The following BCAS3 variants were observed in gnomAD, a reference collection of about 807,000 sequenced individuals.
The protein encoded by BCAS3 is BCAS4/BCAS3 fusion.
Under a neutral mutation model 116.1 loss-of-function variants are expected in BCAS3, and 53 were observed. The observed-to-expected ratio is 0.46, with a 90% CI of 0.37 to 0.57. The LOEUF (loss-of-function observed/expected upper bound fraction) is 0.57. BCAS3 is among the 20% of genes least tolerant of loss of function. The pLI, the probability that BCAS3 is intolerant of heterozygous loss-of-function variation, is 0.00. For synonymous variants in BCAS3, 391 were observed against 408.2 expected, an observed-to-expected ratio of 0.96 and a Z score of 0.51; for missense variants, 917 against 1,165.4, an observed-to-expected ratio of 0.79 and a Z score of 3.10.
At chr17:60,868,859 C>T (rs1308621630) in intron 8 of BCAS3, among the ~76,000 whole-genome samples, 176 bp downstream of exon 8, 10 of 152,162 alleles carry the variant, frequency 6.6e-5, no homozygotes, top group Non-Finnish European at 2.9e-5. Flanking sequence ...TATATTCAGA[C>T]TTCTAGTCTT....
chr17:60,732,483 T>A (rs1278988690), intron 5 of BCAS3, among the ~76,000 whole-genome samples: 1 of 152,188 alleles, frequency 6.6e-6, no homozygotes, highest in Non-Finnish European at 1.5e-5. Flanking sequence ...AAGATGCTGC[T>A]TACCACCTTG....
chr17:61,329,419 C>T (rs1481999863), intron 22 of BCAS3, among the ~76,000 whole-genome samples: 3 of 150,742 alleles, frequency 2.0e-5, no homozygotes, highest in Non-Finnish European at 2.9e-5. Flanking sequence ...CGGCTCACTG[C>T]AAGCTCCGCC....
At chr17:60,823,640 C>A (rs2050142653) in intron 7 of BCAS3, among the ~76,000 whole-genome samples, 1 of 152,098 alleles carries the variant, frequency 6.6e-6, no homozygotes, top group Admixed American at 6.5e-5. Flanking sequence ...GAAGTTAATT[C>A]TCTTTAGAGT....
chr17:61,214,718 C>T lies in BCAS3; in HGVS notation c.2425+130154C>T, dbSNP rs185936766. Among the ~76,000 whole-genome samples the T allele has an allele frequency of 6.6e-6, 1 of 152,024 alleles. No homozygotes were observed. The highest frequency in any genetic ancestry group is 1.5e-5 in the Non-Finnish European group (1 of 67,996). On this transcript the variant is annotated intron_variant, in intron 22 of 23. Coordinates refer to ENST00000407086, the MANE Select transcript of BCAS3 (RefSeq NM_017679.5). The surrounding 1 kb of genome is among the most constrained non-coding windows in gnomAD (Gnocchi z 4.4). ...AAAAAAAGAAAAAAAGAAAAAAATT[C>T]AAAAACATTTTTTAATGAACTATAG...
In BCAS3 at chr17:61,227,979, C is replaced by T. The variant is rs1202310177; in HGVS notation, c.2426-140348C>T. Among the ~76,000 whole-genome samples, 3 of 152,138 alleles carry T rather than the reference C, an allele frequency of 2.0e-5. No individual in the cohort carries two copies. The highest frequency in any genetic ancestry group is 4.4e-5 in the Non-Finnish European group (3 of 68,022). ...GCAAAGGCTTAGCCACAGGTGTAGC[C>T]ATAGAATCCCTTTCCACCTGGAGAC... On this transcript the variant is annotated intron_variant, in intron 22 of 23. Coordinates refer to ENST00000407086, the MANE Select transcript of BCAS3 (RefSeq NM_017679.5). The surrounding 1 kb of genome is among the most constrained non-coding windows in gnomAD (Gnocchi z 6.1).
chr17:60,929,309 C>A (rs2059518215), intron 13 of BCAS3, among the ~76,000 whole-genome samples: 1 of 152,086 alleles, frequency 6.6e-6, no homozygotes, highest in Admixed American at 6.5e-5. Flanking sequence ...CCTGTAGTCC[C>A]AGCTACTTAA....
At chr17:60,977,141 A>G (rs1349667143) in intron 14 of BCAS3, among the ~76,000 whole-genome samples, 1 of 151,766 alleles carries the variant, frequency 6.6e-6, no homozygotes, top group Admixed American at 6.6e-5. Context: ...GCGGCTGGCC[A>G]GGCGGGGGCT....
At chr17:61,262,479 C>A (rs1482834149) in intron 22 of BCAS3, among the ~76,000 whole-genome samples, 1 of 151,800 alleles carries the variant, frequency 6.6e-6, no homozygotes, top group Non-Finnish European at 1.5e-5. Context: ...CTCCTGGATT[C>A]AAGCGATTCT....
In BCAS3 at chr17:61,158,693, A is replaced by G. The variant is rs372444724; in HGVS notation, c.2425+74129A>G. Reference sequence around the variant, plus strand: ...GATATTTGCTTAAAGGGAAAGAGGGATAGTACATGAGACAGTAAGGCAGCT... The same window carrying G: ...GATATTTGCTTAAAGGGAAAGAGGGGTAGTACATGAGACAGTAAGGCAGCT... On this transcript the variant is annotated intron_variant, in intron 22 of 23. Coordinates refer to ENST00000407086, the MANE Select transcript of BCAS3 (RefSeq NM_017679.5). Among the ~76,000 whole-genome samples, 14 of 152,208 alleles carry G rather than the reference A, an allele frequency of 9.2e-5. No individual in the cohort carries two copies. In the South Asian group the frequency reaches 2.9e-3, roughly 32 times the overall value.
chr17:61,005,772 GA>G (rs1226267248), intron 15 of BCAS3, among the ~76,000 whole-genome samples: 4 of 148,878 alleles, frequency 2.7e-5, no homozygotes, highest in African/African-American at 7.5e-5. Flanking sequence ...TTTTTTTTAG[GA>G]AAAAATTTCT....
At chr17:60,810,671 A>T in intron 7 of BCAS3, 1 of 668,836 alleles carries the variant, frequency 1.5e-6, no homozygotes, top group South Asian at 1.4e-5. Context: ...GTCAAGTATG[A>T]GACAGAGCTG....
chr17:61,179,504 T>A (rs2079348647), intron 22 of BCAS3, among the ~76,000 whole-genome samples: 1 of 152,140 alleles, frequency 6.6e-6, no homozygotes, highest in South Asian at 2.1e-4. Context: ...TGAAAAGACC[T>A]TTGTGTTTTG....
chr17:61,271,665 C>T (rs1028895880), intron 22 of BCAS3, among the ~76,000 whole-genome samples: 3 of 147,766 alleles, frequency 2.0e-5, no homozygotes, highest in East Asian at 2.0e-4. Flanking sequence ...CCATGTTGAC[C>T]GGGCTGGTTT....
intron 22 of BCAS3, among the ~76,000 whole-genome samples, chr17:61,269,332 C>G (rs1423306603): frequency 6.6e-6 from 1 of 151,932 alleles, no homozygotes; most frequent in Non-Finnish European, 1.5e-5. Context: ...TCAGGCTGGT[C>G]TCGAACTCCC....
At position 61,256,756 on chromosome 17, in the gene BCAS3, A is replaced by G. The variant is rs2048810804; in HGVS notation, c.2426-111571A>G. ...AGAGTAACACAAAAATAATCATTTC[A>G]AAAGAAACCTGAGGCTTTCAGGGTT... On this transcript the variant is annotated intron_variant, in intron 22 of 23. Coordinates refer to ENST00000407086, the MANE Select transcript of BCAS3 (RefSeq NM_017679.5). The surrounding 1 kb of genome is among the most constrained non-coding windows in gnomAD (Gnocchi z 5.6). Among the ~76,000 whole-genome samples the G allele has an allele frequency of 6.6e-6, 1 of 152,172 alleles. No individual in the cohort carries two copies. The highest frequency in any genetic ancestry group is 2.4e-5 in the African/African-American group (1 of 41,434).
At chr17:60,965,640 G>A (rs1316147817) in intron 14 of BCAS3, among the ~76,000 whole-genome samples, 1 of 152,002 alleles carries the variant, frequency 6.6e-6, no homozygotes, top group East Asian at 1.9e-4. Context: ...TAATTTCTAT[G>A]TGTTTATATA....
intron 5 of BCAS3, among the ~76,000 whole-genome samples, chr17:60,735,952 G>A (rs999996193): frequency 3.9e-5 from 6 of 152,148 alleles, no homozygotes; most frequent in African/African-American, 1.4e-4. Flanking sequence ...TTAAGTGAGT[G>A]TAAGTGAGCT....
At chr17:61,036,112 C>CTAA (rs1488554651) in intron 17 of BCAS3, 1 of 152,154 alleles carries the variant, frequency 6.6e-6, no homozygotes, top group Non-Finnish European at 1.5e-5. Context: ...CTTATTGCTT[C>CTAA]TGTTTAGAAG....
intron 14 of BCAS3, among the ~76,000 whole-genome samples, chr17:60,949,579 CTTAATTTTTATGGGTACATAATA>C (rs763623398): frequency 6.6e-6 from 1 of 152,076 alleles, no homozygotes; most frequent in Non-Finnish European, 1.5e-5. Flanking sequence ...CTGGCCTATT[CTTAATTTTTATGGGTACATAATA>C]GTTGTACCTA....
Sources: allele counts gnomAD v4.1 joint callset (sites outside exome capture counted in the v4.1 genomes callset), GRCh38; gene constraint gnomAD v4.1.1; non-coding constraint Gnocchi (gnomAD v3.1); transcripts MANE v1.5; gene names NCBI Gene and HGNC (gene_info 2026-07-23, HGNC 2026-07-21).